Variants in PRDX1 observed in about 807,000 individuals in gnomAD.
PRDX1 encodes peroxiredoxin-1.
A neutral mutation model predicts 20.7 loss-of-function variants in PRDX1; 19 were observed. The ratio of observed to expected loss-of-function variants is 0.92; its 90% CI spans 0.64 to 1.35. The LOEUF (loss-of-function observed/expected upper bound fraction) is 1.35. PRDX1 is among the 40% of genes most tolerant of loss of function. The pLI is 0.00. For synonymous variants in PRDX1, 89 were observed against 83.9 expected, an observed-to-expected ratio of 1.06 and a Z score of -0.33; for missense variants, 226 against 240.0, an observed-to-expected ratio of 0.94 and a Z score of 0.38.
intron 4 of PRDX1, 106 bp downstream of exon 4, chr1:45,514,767 C>T: frequency 6.4e-7 from 1 of 1,569,736 alleles, no homozygotes; most frequent in Non-Finnish European, 8.7e-7. Context: ...GTGAGGAGGC[C>T]CCTGCATAAA....
chr1:45,518,007 A>G (rs949388114), intron 2 of PRDX1, among the ~76,000 whole-genome samples: 1 of 152,184 alleles, frequency 6.6e-6, no homozygotes, highest in Non-Finnish European at 1.5e-5. Context: ...GTCTCTTATA[A>G]CAAGAGATAA....
At chr1:45,517,417 G>A (rs1281951970) in intron 2 of PRDX1, among the ~76,000 whole-genome samples, 1 of 152,076 alleles carries the variant, frequency 6.6e-6, no homozygotes, top group East Asian at 1.9e-4. Flanking sequence ...CCAGGAGATC[G>A]AGCTGCTCTG....
At chr1:45,522,560 A>T (rs540275801), upstream of PRDX1, among the ~76,000 whole-genome samples, 13 of 152,262 alleles carry the variant, frequency 8.5e-5, no homozygotes, top group South Asian at 2.1e-4. Flanking sequence ...CCCACACGGT[A>T]AGGCAAAAGG....
chr1:45,513,726 A>G (rs566219811), intron 5 of PRDX1, among the ~76,000 whole-genome samples: 1 of 152,320 alleles, frequency 6.6e-6, no homozygotes, highest in East Asian at 1.9e-4. Context: ...TGTTAAAACA[A>G]ATGCTTGAAG....
intron 1 of PRDX1, among the ~76,000 whole-genome samples, chr1:45,519,637 C>A (rs1643890343): frequency 6.6e-6 from 1 of 152,094 alleles, no homozygotes; most frequent in Non-Finnish European, 1.5e-5. Flanking sequence ...CTCTTGGGGC[C>A]CAGGCTGGAA....
At chr1:45,519,227 T>G (rs1477502584) in intron 1 of PRDX1, among the ~76,000 whole-genome samples, 173 bp from the exon 2 acceptor site, 1 of 152,278 alleles carries the variant, frequency 6.6e-6, no homozygotes, top group Non-Finnish European at 1.5e-5. Flanking sequence ...GGTCACAGTC[T>G]GAGCTTTCCA....
chr1:45,514,594 T>C lies in PRDX1; in HGVS notation c.427A>G (p.Thr143Ala), dbSNP rs11544929. 6 of 1,613,628 alleles carry C rather than the reference T, an allele frequency of 3.7e-6. No individual in the cohort carries two copies. The highest frequency in any genetic ancestry group is 5.1e-6 in the Non-Finnish European group (6 of 1,179,622). The change falls in exon 5 of 6, where the codon ACT becomes GCT. Residue 143 changes from threonine to alanine, a missense_variant. Thr to Ala is a moderately conservative substitution (Grantham distance 58). Transcript: ENST00000319248. ...CGGCCAACAGGGAGGTCATTTACAG[T>C]GATCTGCCGAAGAATACCCTTATCA... ...IDDKGILRQI[T>A]VNDLPVGRSV...
At chr1:45,519,755 C>T (rs985574998) in intron 1 of PRDX1, among the ~76,000 whole-genome samples, 1 of 152,128 alleles carries the variant, frequency 6.6e-6, no homozygotes, top group African/African-American at 2.4e-5. Flanking sequence ...GCCACCACAC[C>T]CGGCTAATTT....
At chr1:45,516,999 C>G (rs150000443) in intron 2 of PRDX1, among the ~76,000 whole-genome samples, 1 of 142,510 alleles carries the variant, frequency 7.0e-6, no homozygotes, top group African/African-American at 2.7e-5. Flanking sequence ...ACAGCCTGTG[C>G]GACAAGATCA....
intron 2 of PRDX1, among the ~76,000 whole-genome samples, 179 bp downstream of exon 2, chr1:45,518,759 A>G (rs1643882258): frequency 6.6e-6 from 1 of 152,238 alleles, no homozygotes; most frequent in Admixed American, 6.5e-5. Context: ...GTTTGGTCCT[A>G]GGATATATAC....
intron 1 of PRDX1, among the ~76,000 whole-genome samples, chr1:45,519,798 A>G (rs957731245): frequency 6.6e-6 from 1 of 152,048 alleles, no homozygotes; most frequent in Non-Finnish European, 1.5e-5. Context: ...GGATTTCTCC[A>G]TGTTGGTCAG....
rs878921294 is a variant in PRDX1 at position 45,511,256 on chromosome 1, G to GA, written c.*72dup. The GA allele has an allele frequency of 7.2e-3, 8,355 of 1,156,190 alleles. No individual in the cohort carries two copies. The highest frequency in any genetic ancestry group is 0.01 in the South Asian group (631 of 62,356). 71.6% of individuals were successfully genotyped at this position (1,156,190 alleles called of 1,614,324 possible). ...TCTGAAGTCTTGTGTTTTACTAATG[G>GA]AAAAAAAAAATACAGAAGAGGTTTT... On this transcript the variant is annotated 3_prime_UTR_variant, in exon 6 of 6. Transcript: ENST00000319248.
At chr1:45,516,181 G>A (rs1449321798) in intron 2 of PRDX1, among the ~76,000 whole-genome samples, 1 of 152,236 alleles carries the variant, frequency 6.6e-6, no homozygotes, top group East Asian at 1.9e-4. Flanking sequence ...ACAATACCCA[G>A]AGAAAGCTGA....
chr1:45,520,205 C>CAAAAAAAAAAAAAAAAAAAAAAA (rs59260423), intron 1 of PRDX1, among the ~76,000 whole-genome samples: 1 of 91,036 alleles, frequency 1.1e-5, no homozygotes, highest in African/African-American at 4.6e-5. Flanking sequence ...ACTCTGTCTC[C>CAAAAAAAAAAAAAAAAAAAAAAA]AAAAAAAAAA....
chr1:45,522,104 C>A (rs533152617), upstream of PRDX1: 1 of 152,376 alleles, frequency 6.6e-6, no homozygotes, highest in Non-Finnish European at 1.5e-5. Context: ...GAGTGAGGCG[C>A]CCTTGTGGCC....
In PRDX1 at chr1:45,520,105, T is replaced by C. The variant is rs1331332083; in HGVS notation, c.-11-1051A>G. 6.7e-5 allele frequency among the ~76,000 whole-genome samples: 10 copies of C among 149,852 alleles called. No individual in the cohort carries two copies. In the East Asian group the frequency reaches 1.6e-3, roughly 24 times the overall value. On this transcript the variant is annotated intron_variant, in intron 1 of 5. Transcript: ENST00000319248. ...CTGTAATCGCAACTACTCAGGAGGC[T>C]GAAGCAGGAGAATCACTTGAACCCG...
upstream of PRDX1, among the ~76,000 whole-genome samples, chr1:45,522,407 G>A (rs34713645): frequency 4.7e-3 from 711 of 152,256 alleles, 6 homozygotes; most frequent in African/African-American, 0.016. Context: ...CTGTTGTAAA[G>A]GAAAATAAAA....
chr1:45,520,755 T>TAGCCGGGGC (rs1643904562), intron 1 of PRDX1, among the ~76,000 whole-genome samples: 1 of 142,472 alleles, frequency 7.0e-6, no homozygotes, highest in Non-Finnish European at 1.5e-5. Context: ...ATACAAAAAT[T>TAGCCGGGGC]AGCCGGGGCT....
chr1:45,517,794 A>C (rs1643874502), intron 2 of PRDX1, among the ~76,000 whole-genome samples: 1 of 148,848 alleles, frequency 6.7e-6, no homozygotes, highest in East Asian at 2.0e-4. Flanking sequence ...AAAAAAAAAA[A>C]AAAAAAAAAA....
Sources: gnomAD v4.1 joint callset for allele counts (sites outside exome capture counted in the v4.1 genomes callset) on GRCh38, gnomAD v4.1.1 for gene constraint, MANE v1.5 for transcripts, NCBI Gene and HGNC (gene_info 2026-07-23, HGNC 2026-07-21) for gene names.